The following RGL2 variants were observed in gnomAD, a reference collection of about 807,000 sequenced individuals.
RGL2 encodes the protein ral guanine nucleotide dissociation stimulator like 2.
A neutral mutation model predicts 84.6 loss-of-function variants in RGL2; 40 were observed. That is an observed-to-expected ratio of 0.47 (90% confidence interval 0.37 to 0.62). The LOEUF (loss-of-function observed/expected upper bound fraction) is 0.62, where lower values mean the gene tolerates loss of function less well. Ranked by LOEUF, RGL2 falls within the 20% of genes least tolerant of loss-of-function variation. The pLI is 0.00. For synonymous variants in RGL2, 369 were observed against 417.3 expected (o/e 0.88, Z 1.41); for missense variants, 865 against 1,019.7 (o/e 0.85, Z 2.07).
upstream of RGL2, chr6:33,299,052 G>A (rs1768313121): frequency 6.5e-6 from 1 of 154,712 alleles, no homozygotes; most frequent in Non-Finnish European, 1.4e-5. This position sits in a 1 kb window ranked among gnomAD's most constrained non-coding sequence, Gnocchi z 5.0. Flanking sequence ...GGAGCCAAAA[G>A]GGGAAGGAAG....
In RGL2 at chr6:33,294,966, T is replaced by G; in HGVS notation, c.1278+11A>C. 6.4e-7 allele frequency: 1 copy of G among 1,564,764 alleles called. No individual in the cohort carries two copies. The highest frequency in any genetic ancestry group is 8.7e-7 in the Non-Finnish European group (1 of 1,154,610). ...ACCACCCCCACGCCCACCACCCCGC[T>G]AGTCACTCACCCCACCCCGGGAGCC... On this transcript the variant is annotated intron_variant, in intron 10 of 17. Transcript: ENST00000497454. This position sits in a 1 kb window ranked among gnomAD's most constrained non-coding sequence, Gnocchi z 5.0.
In RGL2 at chr6:33,295,629, G is replaced by A. The variant is rs773529929; in HGVS notation, c.899C>T (p.Ala300Val). The A allele has an allele frequency of 1.9e-6, 3 of 1,613,972 alleles. No homozygotes were observed. The South Asian group carries it at 3.3e-5, about 18-fold the overall frequency. ...TVTQFNKVAG[A>V]VVSSVLGATS... The stretch of plus-strand genomic sequence containing the variant: ...AGCCCCCAGGACAGAACTAACCACT[G>A]CCCCTGCCACCTTGTTAAACTGTGT... The change falls in exon 7 of 18, where the codon GCA becomes GTA. Residue 300 changes from alanine (A) to valine (V), a missense_variant. Physicochemically the swap from Ala to Val is moderately conservative, Grantham distance 64. Coordinates refer to ENST00000497454, the MANE Select transcript of RGL2 (RefSeq NM_004761.5). The surrounding 1 kb of genome is among the most constrained non-coding windows in gnomAD (Gnocchi z 7.2).
upstream of RGL2, chr6:33,301,419 C>G (rs554850727): frequency 1.8e-5 from 5 of 280,192 alleles, no homozygotes; most frequent in South Asian, 2.2e-4. Flanking sequence ...ACTAAAAATA[C>G]AAAAATTCAC....
At position 33,291,970 on chromosome 6, in the gene RGL2, C is replaced by A; in HGVS notation, c.*132G>T. The stretch of plus-strand genomic sequence containing the variant: ...TCAGCTGTCTGGTAAACCAGTGGCA[C>A]TTCACTGCCCCAGGGTGGCTGGCTC... On this transcript the variant is annotated 3_prime_UTR_variant, in exon 18 of 18. Coordinates refer to ENST00000497454, the MANE Select transcript of RGL2 (RefSeq NM_004761.5). The A allele has an allele frequency of 1.0e-6, 1 of 961,994 alleles. No individual in the cohort carries two copies. Among genetic ancestry groups the A allele is most frequent in the Admixed American group, 2.2e-5 (1 of 45,136 alleles). 59.6% of individuals were successfully genotyped at this position (961,994 alleles called of 1,614,324 possible). A position where few individuals can be genotyped will look rare whatever the true frequency, so the allele number is the denominator to read the frequency against.
chr6:33,296,958 G>T lies in RGL2; in HGVS notation c.240+74C>A. 1 of 1,552,018 alleles carries T rather than the reference G, an allele frequency of 6.4e-7. No homozygotes were observed. The highest frequency in any genetic ancestry group is 8.9e-7 in the Non-Finnish European group (1 of 1,125,050). On this transcript the variant is annotated intron_variant, in intron 3 of 17. Transcript: ENST00000497454. The surrounding 1 kb of genome is among the most constrained non-coding windows in gnomAD (Gnocchi z 5.0). Reference sequence around the variant, plus strand: ...TCCAGAACTCCAACCTAGCACTCTGGCCAGAAAGTCAGCCAGAGGAAGGAA... The same window carrying T: ...TCCAGAACTCCAACCTAGCACTCTGTCCAGAAAGTCAGCCAGAGGAAGGAA...
Position 33,298,285 on chromosome 6 carries a change from GAGAAC to G in RGL2, c.156+165_156+169del. On this transcript the variant is annotated intron_variant, in intron 2 of 17. Transcript: ENST00000497454. This position sits in a 1 kb window ranked among gnomAD's most constrained non-coding sequence, Gnocchi z 4.8. ...GGGCAGGTCCTGAGTCACACTGACA[GAGAAC>G]CACGGAGACGCCAGGACTCCCCGCA... 1 of 554,900 alleles carries G rather than the reference GAGAAC, an allele frequency of 1.8e-6. No individual in the cohort carries two copies. 34.4% of individuals were successfully genotyped at this position (554,900 alleles called of 1,614,324 possible).
Position 33,298,024 on chromosome 6 carries a change from G to T in RGL2, c.156+431C>A. On this transcript the variant is annotated intron_variant, in intron 2 of 17. Transcript: ENST00000497454. This position sits in a 1 kb window ranked among gnomAD's most constrained non-coding sequence, Gnocchi z 4.8. ...GGGGGGCGGGGGGAAGGGGGAGAGA[G>T]GGAAGGAGGGGTCACGAAATCTGAG... 1 of 155,286 alleles carries T rather than the reference G, an allele frequency of 6.4e-6. No individual in the cohort carries two copies. Among genetic ancestry groups the T allele is most frequent in the Non-Finnish European group, 1.4e-5 (1 of 69,912 alleles). 9.6% of individuals were successfully genotyped at this position (155,286 alleles called of 1,614,324 possible). A position where few individuals can be genotyped will look rare whatever the true frequency, so the allele number is the denominator to read the frequency against.
chr6:33,296,627 C>G lies in RGL2; in HGVS notation c.390G>C (p.Thr130=). ...CAGCCATAAGCCCTAGCAAGGCAGG[C>G]GTGGAGGTGAAGGCCCGGTGGGTAG... The part of the protein sequence containing the change: ...FLATHRAFTS[T]PALLGLMADR... The change falls in exon 4 of 18, where the codon ACG becomes ACC. Residue 130 remains threonine (T), a synonymous_variant. Transcript: ENST00000497454. This position sits in a 1 kb window ranked among gnomAD's most constrained non-coding sequence, Gnocchi z 5.0. 1 of 1,613,720 alleles carries G rather than the reference C, an allele frequency of 6.2e-7. No homozygotes were observed. The highest frequency in any genetic ancestry group is 1.1e-5 in the South Asian group (1 of 91,050).
At position 33,297,134 on chromosome 6, in the gene RGL2, G is replaced by T. The variant is rs776060889; in HGVS notation, c.157-19C>A. 6.5e-7 allele frequency: 1 copy of T among 1,536,316 alleles called. No homozygotes were observed. The highest frequency in any genetic ancestry group is 1.3e-5 in the South Asian group (1 of 76,638). Reference sequence around the variant, plus strand: ...CAGGGGCCTGGAGGAGCAAGGAAGGGGAAGTCAGACAGTTCCACACCACCC... The same window carrying T: ...CAGGGGCCTGGAGGAGCAAGGAAGGTGAAGTCAGACAGTTCCACACCACCC... On this transcript the variant is annotated intron_variant, in intron 2 of 17. Transcript: ENST00000497454. This position sits in a 1 kb window ranked among gnomAD's most constrained non-coding sequence, Gnocchi z 4.0.
In RGL2 at chr6:33,294,987, G is replaced by T; in HGVS notation, c.1268C>A (p.Ser423Tyr). The change falls in exon 10 of 18, where the codon TCC (serine) becomes TAC (tyrosine). Residue 423 changes from serine to tyrosine, a missense_variant. By Grantham distance (144) the Ser-to-Tyr change is moderately radical (BLOSUM62 -2). Transcript: ENST00000497454. This position sits in a 1 kb window ranked among gnomAD's most constrained non-coding sequence, Gnocchi z 5.0. ...PHSKKAPRSG[S>Y]RGGGVVPYLG... The stretch of plus-strand genomic sequence containing the variant: ...CCGCTAGTCACTCACCCCACCCCGG[G>T]AGCCAGACCTCGGGGCCTTCTTGGA... 1 of 1,579,434 alleles carries T rather than the reference G, an allele frequency of 6.3e-7. No homozygotes were observed. Among genetic ancestry groups the T allele is most frequent in the Non-Finnish European group, 8.6e-7 (1 of 1,162,482 alleles).
chr6:33,299,167 G>A (rs1768321182), upstream of RGL2: 2 of 152,318 alleles, frequency 1.3e-5, no homozygotes, highest in South Asian at 2.1e-4. This position sits in a 1 kb window ranked among gnomAD's most constrained non-coding sequence, Gnocchi z 5.0. Context: ...CTCTACACTC[G>A]GGGATTCTGG....
chr6:33,293,763 A>G lies in RGL2; in HGVS notation c.1508+32T>C. On this transcript the variant is annotated intron_variant, in intron 13 of 17. Transcript: ENST00000497454. The surrounding 1 kb of genome is among the most constrained non-coding windows in gnomAD (Gnocchi z 7.0). ...CACCAATCCCCCACACCTGGCCAGA[A>G]CCCTGGAGTCCCAACCTCACCCGCC... 6.2e-7 allele frequency: 1 copy of G among 1,613,202 alleles called. No individual in the cohort carries two copies. The highest frequency in any genetic ancestry group is 1.1e-5 in the South Asian group (1 of 91,032).
chr6:33,295,380 C>A lies in RGL2; in HGVS notation c.1063G>T (p.Val355Leu), dbSNP rs767659858. ...LRNFSSVYAV[V>L]SALQSSPIHR... ...ATGGGGCTGGACTGCAGGGCTGACA[C>A]CACGGCATAAACTGAAGAGAAGTTT... Residue 355 changes from valine to leucine, a missense_variant, in exon 8 of 18, where the codon GTG becomes TTG. Coordinates refer to ENST00000497454, the MANE Select transcript of RGL2 (RefSeq NM_004761.5). This position sits in a 1 kb window ranked among gnomAD's most constrained non-coding sequence, Gnocchi z 7.2. 2.7e-5 allele frequency: 44 copies of A among 1,606,900 alleles called. No individual in the cohort carries two copies. The highest frequency in any genetic ancestry group is 1.6e-4 in the Middle Eastern group (1 of 6,078).
rs775409213 is a variant in RGL2, at chr6:33,292,532, C to T, written c.2020G>A (p.Asp674Asn). ...VYKSILVTSQ[D>N]KAPSVISRVL... The stretch of plus-strand genomic sequence containing the variant: ...CGACTGATGACACTTGGAGCCTTGT[C>T]CTGGCTTGTCACCTGGCAGAACAGG... The change falls in exon 17 of 18, where the codon GAC (aspartate) becomes AAC (asparagine). Residue 674 changes from aspartate (D) to asparagine (N), a missense_variant. By Grantham distance (23) the Asp-to-Asn change is conservative (BLOSUM62 1). Around this residue, in one of 5 missense-constraint regions of RGL2, gnomAD observed 302 missense variants for 327.9 expected, o/e 0.92. Transcript: ENST00000497454. The T allele has an allele frequency of 4.3e-6, 7 of 1,613,992 alleles. No individual in the cohort carries two copies. The South Asian group carries it at 4.4e-5, about 10-fold the overall frequency.
rs756311600 is a variant in RGL2, at chr6:33,296,229, T to A, written c.567A>T (p.Leu189Phe). 3 of 1,613,802 alleles carry A rather than the reference T, an allele frequency of 1.9e-6. No individual in the cohort carries two copies. Among genetic ancestry groups the A allele is most frequent in the Non-Finnish European group, 2.5e-6 (3 of 1,179,840 alleles). The change falls in exon 6 of 18, where the codon TTA (leucine) becomes TTT (phenylalanine). Residue 189 changes from leucine to phenylalanine, a missense_variant. By Grantham distance (22) the Leu-to-Phe change is conservative. Coordinates refer to ENST00000497454, the MANE Select transcript of RGL2 (RefSeq NM_004761.5). This position sits in a 1 kb window ranked among gnomAD's most constrained non-coding sequence, Gnocchi z 5.0. ...KGQLDRLESFLLQTGYAAGKG... is the reference protein window; with the variant it reads ...KGQLDRLESFFLQTGYAAGKG... ...TCCCTGCTGCATACCCTGTCTGAAG[T>A]AAGAAGCTCTCAAGCCGGTCAAGCT...
chr6:33,300,291 C>T (rs1029664811), upstream of RGL2: 1 of 153,768 alleles, frequency 6.5e-6, no homozygotes, highest in African/African-American at 2.4e-5. Flanking sequence ...CCAAATGTAA[C>T]CTCGGCCCTA....
At position 33,297,086 on chromosome 6, in the gene RGL2, C is replaced by G; in HGVS notation, c.186G>C (p.Glu62Asp). The change falls in exon 3 of 18, where the codon GAG becomes GAC. Residue 62 changes from glutamate (E) to aspartate (D), a missense_variant. Glu to Asp is a conservative substitution (Grantham distance 45). This residue lies in a region of RGL2 where 455 missense variants were observed against 507.8 expected (regional missense o/e 0.90). Transcript: ENST00000497454. This position sits in a 1 kb window ranked among gnomAD's most constrained non-coding sequence, Gnocchi z 4.0. ...EAPVSVWDEE[E>D]DGAVFTVTSR... ...TTGTGACGGTAAACACGGCACCATC[C>G]TCCTCCTCATCCCAGACGGACACAG... is the stretch of plus-strand genomic sequence containing the variant. 1 of 1,568,490 alleles carries G rather than the reference C, an allele frequency of 6.4e-7. No homozygotes were observed. Among genetic ancestry groups the G allele is most frequent in the East Asian group, 2.2e-5 (1 of 44,750 alleles).
In RGL2 at chr6:33,298,643, TG is replaced by T. The variant is rs1562672409; in HGVS notation, c.-34del. 3.0e-6 allele frequency: 3 copies of T among 1,005,814 alleles called. No individual in the cohort carries two copies. Among genetic ancestry groups the T allele is most frequent in the Admixed American group, 4.8e-5 (1 of 21,002 alleles). The allele number at this position is 1,005,814 out of a possible 1,614,324, so 62.3% of individuals were successfully genotyped here. A position where few individuals can be genotyped will look rare whatever the true frequency, so the allele number is the denominator to read the frequency against. On this transcript the variant is annotated 5_prime_UTR_variant, in exon 2 of 18. Transcript: ENST00000497454. This position sits in a 1 kb window ranked among gnomAD's most constrained non-coding sequence, Gnocchi z 4.8. ...TGAAGGAATCAGCGGGGTCGGGCCA[TG>T]GGGGCGCCTGGGGAGAGACGGGGTG...
chr6:33,294,618 C>A lies in RGL2; in HGVS notation c.1353+70G>T. 2 of 1,549,612 alleles carry A rather than the reference C, an allele frequency of 1.3e-6. No individual in the cohort carries two copies. The highest frequency in any genetic ancestry group is 1.1e-5 in the South Asian group (1 of 87,024). On this transcript the variant is annotated intron_variant, in intron 11 of 17. Coordinates refer to ENST00000497454, the MANE Select transcript of RGL2 (RefSeq NM_004761.5). The surrounding 1 kb of genome is among the most constrained non-coding windows in gnomAD (Gnocchi z 5.0). ...GTGCCTTACAGCCCCTTGCAAGGGG[C>A]GGGGGGGTCTGTCCGACCCTGCAGC...
Sources: allele counts gnomAD v4.1 joint callset, GRCh38; gene constraint gnomAD v4.1.1; regional missense constraint gnomAD v4.1.1; non-coding constraint Gnocchi (gnomAD v3.1); transcripts MANE v1.5; gene names NCBI Gene and HGNC (gene_info 2026-07-23, HGNC 2026-07-21).